Variants in HINT1 observed in about 807,000 individuals in gnomAD.
HINT1 encodes histidine triad nucleotide binding protein 1, also known as adenosine 5'-monophosphoramidase HINT1.
HINT1 carries 12 observed loss-of-function variants against 11.2 expected under a neutral mutation model. The ratio of observed to expected loss-of-function variants is 1.07; its 90% CI spans 0.69 to 1.74. The LOEUF (loss-of-function observed/expected upper bound fraction) is 1.74, where lower values mean the gene tolerates loss of function less well. HINT1 is among the 40% of genes most tolerant of loss of function. HINT1 has a pLI of 0.00. For missense variants in HINT1, 150 were observed against 161.8 expected (o/e 0.93, Z 0.40); for synonymous variants, 42 against 52.6 (o/e 0.80, Z 0.87).
At chr5:131,160,097 G>A (rs1258907273) in intron 2 of HINT1, among the ~76,000 whole-genome samples, 1 of 151,916 alleles carries the variant, frequency 6.6e-6, no homozygotes, top group African/African-American at 2.4e-5. Flanking sequence ...TGGGCAATCT[G>A]CCCACCTTAA....
intron 2 of HINT1, chr5:131,160,990 T>C: frequency 3.1e-6 from 1 of 325,350 alleles, no homozygotes; most frequent in Non-Finnish European, 6.2e-6. Flanking sequence ...AGACATACAA[T>C]ATTTTCAACT....
intron 2 of HINT1, among the ~76,000 whole-genome samples, chr5:131,161,595 C>CA (rs1220648384): frequency 0.075 from 4,600 of 61,218 alleles, 107 homozygotes; most frequent in South Asian, 0.13. Context: ...AACTCCGTCT[C>CA]AAAAAAAAAA....
chr5:131,162,217 G>A, intron 2 of HINT1: 1 of 551,178 alleles, frequency 1.8e-6, no homozygotes, highest in Non-Finnish European at 3.2e-6. Flanking sequence ...CCACTACTCG[G>A]GAGGCTGAGG....
At chr5:131,164,198 A>T (rs1160565526) in intron 1 of HINT1, among the ~76,000 whole-genome samples, 3 of 152,190 alleles carry the variant, frequency 2.0e-5, no homozygotes, top group African/African-American at 7.2e-5. Context: ...TATCTAAATC[A>T]GCCAATCTGC....
At chr5:131,164,560 C>G (rs957553886) in intron 1 of HINT1, among the ~76,000 whole-genome samples, 2 of 152,186 alleles carry the variant, frequency 1.3e-5, no homozygotes, top group African/African-American at 4.8e-5. Flanking sequence ...AGCCGGCAGG[C>G]CCAGACGGCC....
Position 131,162,689 on chromosome 5 carries a change from GAAAT to G in HINT1, c.112-17_112-14del, listed in dbSNP as rs1064794666. On this transcript the variant is annotated splice_polypyrimidine_tract_variant and intron_variant, in intron 1 of 2. Coordinates refer to ENST00000304043, the MANE Select transcript of HINT1 (RefSeq NM_005340.7). ...GGAAAGCAAGGCACTAGGGAAAAGA[GAAAT>G]AAATAAATAAATCAAACTTTTAGTA... The G allele has an allele frequency of 9.9e-6, 15 of 1,516,630 alleles. No homozygotes were observed. Among genetic ancestry groups the G allele is most frequent in the South Asian group, 8.0e-5 (7 of 87,184 alleles). The allele number at this position is 1,516,630 out of a possible 1,614,324, so 93.9% of individuals were successfully genotyped here. A position where few individuals can be genotyped will look rare whatever the true frequency, so the allele number is the denominator to read the frequency against.
chr5:131,162,664 G>A lies in HINT1; in HGVS notation c.124C>T (p.His42Tyr). The A allele has an allele frequency of 6.2e-7, 1 of 1,604,710 alleles. No individual in the cohort carries two copies. The highest frequency in any genetic ancestry group is 8.5e-7 in the Non-Finnish European group (1 of 1,172,298). Residue 42 changes from histidine to tyrosine, a missense_variant, in exon 2 of 3, where the codon CAT becomes TAT. By Grantham distance (83) the His-to-Tyr change is moderately conservative. Coordinates refer to ENST00000304043, the MANE Select transcript of HINT1 (RefSeq NM_005340.7). ...IFEDDRCLAF[H>Y]DISPQAPTHF... The stretch of plus-strand genomic sequence containing the variant: ...GTTGGTGCTTGAGGGGAAATGTCAT[G>A]GAAAGCAAGGCACTAGGGAAAAGAG...
Position 131,165,130 on chromosome 5 carries a change from C to T in HINT1, c.76G>A (p.Glu26Lys), listed in dbSNP as rs1421129950. The T allele has an allele frequency of 1.2e-6, 2 of 1,613,234 alleles. No individual in the cohort carries two copies. Among genetic ancestry groups the T allele is most frequent in the Non-Finnish European group, 1.7e-6 (2 of 1,179,942 alleles). Reference protein sequence around the residue: ...DTIFGKIIRKEIPAKIIFEDD... With the variant: ...DTIFGKIIRKKIPAKIIFEDD... Reference sequence around the variant, plus strand: ...TCAAAAATGATTTTGGCTGGTATTTCCTTGCGGATGATCTTCCCAAAGATC... The same window carrying T: ...TCAAAAATGATTTTGGCTGGTATTTTCTTGCGGATGATCTTCCCAAAGATC... Residue 26 changes from glutamate to lysine, a missense_variant, in exon 1 of 3, where the codon GAA becomes AAA. Transcript: ENST00000304043.
chr5:131,161,529 A>G (rs1561536689), intron 2 of HINT1, among the ~76,000 whole-genome samples: 1 of 149,340 alleles, frequency 6.7e-6, no homozygotes, highest in Non-Finnish European at 1.5e-5. Context: ...CAGGAGGCAG[A>G]GGTTGCGGTG....
At chr5:131,160,790 C>G (rs1402209048) in intron 2 of HINT1, 3 of 521,952 alleles carry the variant, frequency 5.7e-6, no homozygotes, top group African/African-American at 2.0e-5. Flanking sequence ...AATTCTGATC[C>G]TTTTCCAGAC....
chr5:131,161,149 A>AACT (rs1402995081), intron 2 of HINT1, among the ~76,000 whole-genome samples: 4 of 152,214 alleles, frequency 2.6e-5, no homozygotes, highest in African/African-American at 7.2e-5. Flanking sequence ...CCTGGCCAAC[A>AACT]ACTGTCTTCT....
intron 2 of HINT1, chr5:131,160,811 C>G (rs1374245358): frequency 2.1e-6 from 1 of 472,874 alleles, no homozygotes; most frequent in Non-Finnish European, 4.1e-6. Context: ...TGGTGATATG[C>G]AGTAAAATAC....
chr5:131,162,459 G>GT (rs1755279053), intron 2 of HINT1, 113 bp downstream of exon 2: 3 of 1,549,502 alleles, frequency 1.9e-6, no homozygotes, highest in African/African-American at 1.4e-5. Flanking sequence ...GGTTTTTCTG[G>GT]TTTTTCCTTA....
chr5:131,161,253 G>C (rs1414537304), intron 2 of HINT1, among the ~76,000 whole-genome samples: 3 of 152,152 alleles, frequency 2.0e-5, no homozygotes, highest in Admixed American at 6.5e-5. Flanking sequence ...CTGCATTTGA[G>C]TAAGAAGCTC....
At position 131,159,473 on chromosome 5, in the gene HINT1, G is replaced by A. The variant is rs768248277; in HGVS notation, c.355C>T (p.Arg119Trp). 9.9e-6 allele frequency: 16 copies of A among 1,612,108 alleles called. No homozygotes were observed. Among genetic ancestry groups the A allele is most frequent in the Admixed American group, 1.7e-5 (1 of 59,856 alleles). ...YHVHLHVLGGRQMHWPPG is the reference protein window; with the variant it reads ...YHVHLHVLGGWQMHWPPG Reference sequence around the variant, plus strand: ...TAACCAGGAGGCCAATGCATTTGCCGACCTCCAAGAACATGGAGATGAACG... The same window carrying A: ...TAACCAGGAGGCCAATGCATTTGCCAACCTCCAAGAACATGGAGATGAACG... The change falls in exon 3 of 3, where the codon CGG (arginine) becomes TGG (tryptophan). Residue 119 changes from arginine (R) to tryptophan (W), a missense_variant. Physicochemically the swap from Arg to Trp is moderately radical, Grantham distance 101 (BLOSUM62 -3). Coordinates refer to ENST00000304043, the MANE Select transcript of HINT1 (RefSeq NM_005340.7).
chr5:131,161,965 TAATA>T (rs780387561), intron 2 of HINT1: 116 of 160,574 alleles, frequency 7.2e-4, no homozygotes, highest in Non-Finnish European at 1.4e-3. Flanking sequence ...TCACTCGACT[TAATA>T]AATAGTAAAT....
rs1166761773 is a variant in HINT1, at chr5:131,165,179, C to G, written c.27G>C (p.Gln9His). The G allele has an allele frequency of 2.5e-6, 4 of 1,609,838 alleles. No homozygotes were observed. Among genetic ancestry groups the G allele is most frequent in the Non-Finnish European group, 3.4e-6 (4 of 1,179,918 alleles). MADEIAKA[Q>H]VARPGGDTIF... ...TCGTGTCGCCACCAGGCCGAGCGAC[C>G]TGAGCCTTGGCAATCTCATCTGCCA... The change falls in exon 1 of 3, where the codon CAG becomes CAC. Residue 9 changes from glutamine to histidine, a missense_variant. Gln to His is a conservative substitution (Grantham distance 24). Transcript: ENST00000304043.
chr5:131,160,056 G>A (rs1257030220), intron 2 of HINT1, among the ~76,000 whole-genome samples: 1 of 151,964 alleles, frequency 6.6e-6, no homozygotes, highest in East Asian at 1.9e-4. Context: ...CTTCTCCAAT[G>A]TTGTCCAGGC....
At position 131,165,053 on chromosome 5, in the gene HINT1, T is replaced by C. The variant is rs142857717; in HGVS notation, c.111+42A>G. On this transcript the variant is annotated intron_variant, in intron 1 of 2. Coordinates refer to ENST00000304043, the MANE Select transcript of HINT1 (RefSeq NM_005340.7). ...GAGAAACCCGAGGATCCGCGGACGA[T>C]ACCCACCTCAGCAGGCGAGAGAGGT... 6.4e-4 allele frequency: 1,035 copies of C among 1,612,496 alleles called. 8 individuals carry two copies. The African/African-American group carries it at 0.012, about 19-fold the overall frequency.
Sources: gnomAD v4.1 joint callset for allele counts (sites outside exome capture counted in the v4.1 genomes callset) on GRCh38, gnomAD v4.1.1 for gene constraint, MANE v1.5 for transcripts, NCBI Gene and HGNC (gene_info 2026-07-23, HGNC 2026-07-21) for gene names.